Variants in OFD1 observed in about 807,000 individuals in gnomAD.
OFD1 encodes the protein centriole and centriolar satellite protein OFD1.
In OFD1, 12 loss-of-function variants were observed where a neutral mutation model predicts 81.4. The observed-to-expected ratio is 0.15, with a 90% confidence interval of 0.09 to 0.24. OFD1 has a LOEUF of 0.24. Ranked by LOEUF, OFD1 falls within the 10% of genes least tolerant of loss-of-function variation. The pLI is 1.00. For missense variants in OFD1, 685 were observed against 733.9 expected (o/e 0.93, Z 0.77); for synonymous variants, 256 against 263.7 (o/e 0.97, Z 0.28).
chrX:13,748,745 C>G (rs766050094), intron 8 of OFD1, among the ~76,000 whole-genome samples: 1 of 111,259 alleles, frequency 9.0e-6, no homozygotes, highest in Non-Finnish European at 1.9e-5. Context: ...CACTAAAAAC[C>G]ATGGGGATTC....
At chrX:13,748,252 GTTTA>G (rs1237982104) in intron 8 of OFD1, among the ~76,000 whole-genome samples, 1 of 112,298 alleles carries the variant, frequency 8.9e-6, no homozygotes, top group Non-Finnish European at 1.9e-5. Flanking sequence ...CTAGATCCCT[GTTTA>G]TTTATCTGAT....
rs1451447247 is a variant in OFD1, at chrX:13,734,923, G to A, written c.-149G>A. On this transcript the variant is annotated 5_prime_UTR_variant, in exon 1 of 23. Coordinates refer to ENST00000340096, the MANE Select transcript of OFD1 (RefSeq NM_003611.3). The stretch of plus-strand genomic sequence containing the variant: ...GGGAGTGCGAGGCAGAGAACGTTCA[G>A]CACCTTTGTTCCTCCCGAACCCTCG... 7 of 1,101,805 alleles carry A rather than the reference G, an allele frequency of 6.4e-6. No individual in the cohort carries two copies. The highest frequency in any genetic ancestry group is 7.1e-5 in the Admixed American group (2 of 28,303). 90.8% of individuals were successfully genotyped at this position (1,101,805 alleles called of 1,213,427 possible). A position where few individuals can be genotyped will look rare whatever the true frequency, so the allele number is the denominator to read the frequency against.
At chrX:13,726,867 A>T in the OFD1 span, among the ~76,000 whole-genome samples, 2 of 112,065 alleles carry the variant, frequency 1.8e-5, no homozygotes, top group Non-Finnish European at 3.8e-5. Flanking sequence ...AACCCATCTG[A>T]TGTGCAAAGA....
At chrX:13,764,460 T>G (rs1467864662) in intron 19 of OFD1, among the ~76,000 whole-genome samples, 1 of 111,391 alleles carries the variant, frequency 9.0e-6, no homozygotes, top group Non-Finnish European at 1.9e-5. Context: ...CCTCTTCTCC[T>G]CCAGATTACC....
At chrX:13,742,963 C>T (rs975824042) in intron 5 of OFD1, among the ~76,000 whole-genome samples, 1 of 112,013 alleles carries the variant, frequency 8.9e-6, no homozygotes, top group Non-Finnish European at 1.9e-5. Context: ...ATCTAATCCC[C>T]TTCCTGAAGG....
intron 2 of OFD1, chrX:13,736,115 A>G: frequency 2.4e-6 from 2 of 840,405 alleles, no homozygotes; most frequent in East Asian, 1.8e-4. Context: ...CAGTCCACAG[A>G]GGTGTGATGA....
At chrX:13,744,631 C>T (rs753410479) in intron 6 of OFD1, 112 bp downstream of exon 6, 12 of 534,594 alleles carry the variant, frequency 2.2e-5, no homozygotes, top group South Asian at 1.5e-4. Flanking sequence ...GGGATGCAGC[C>T]GGCAGGCAAC....
intron 6 of OFD1, among the ~76,000 whole-genome samples, chrX:13,745,276 CA>C (rs1300641172): frequency 8.9e-6 from 1 of 112,024 alleles, no homozygotes; most frequent in African/African-American, 3.2e-5. Flanking sequence ...GAGCCACATA[CA>C]TAATTTTAAA....
Position 13,769,135 on chromosome X carries a change from T to TA in OFD1, c.*28dup, listed in dbSNP as rs2048250465. On this transcript the variant is annotated 3_prime_UTR_variant, in exon 23 of 23. Coordinates refer to ENST00000340096, the MANE Select transcript of OFD1 (RefSeq NM_003611.3). Reference sequence around the variant, plus strand: ...CATGTTTGCTGCCCAGCTTCTAACTTACATACCGTGAGAAGTTACGTAACA... The same window carrying TA: ...CATGTTTGCTGCCCAGCTTCTAACTTAACATACCGTGAGAAGTTACGTAACA... 1 of 1,120,771 alleles carries TA rather than the reference T, an allele frequency of 8.9e-7. No individual in the cohort carries two copies. The highest frequency in any genetic ancestry group is 1.2e-6 in the Non-Finnish European group (1 of 813,756). 92.4% of individuals were successfully genotyped at this position (1,120,771 alleles called of 1,213,427 possible). A position where few individuals can be genotyped will look rare whatever the true frequency, so the allele number is the denominator to read the frequency against.
chrX:13,744,934 A>AG (rs2047236020), intron 6 of OFD1, among the ~76,000 whole-genome samples: 1 of 112,219 alleles, frequency 8.9e-6, no homozygotes, highest in African/African-American at 3.2e-5. Context: ...AGGTCCTCAG[A>AG]GGAAGAGCAA....
At chrX:13,730,040 G>A (rs1050534910), upstream of OFD1, among the ~76,000 whole-genome samples, 1 of 111,931 alleles carries the variant, frequency 8.9e-6, no homozygotes, top group Non-Finnish European at 1.9e-5. Context: ...AACACCAAAA[G>A]CAATGACAAC....
intron 18 of OFD1, 72 bp from the exon 19 acceptor site, chrX:13,763,673 C>T (rs749228414): frequency 2.3e-6 from 2 of 853,428 alleles, no homozygotes; most frequent in Admixed American, 2.2e-5. Flanking sequence ...GTCAGTTGCC[C>T]CCACACTGCA....
intron 8 of OFD1, among the ~76,000 whole-genome samples, chrX:13,747,392 TGTAA>T (rs1476999710): frequency 3.6e-5 from 4 of 111,387 alleles, no homozygotes; most frequent in Admixed American, 2.9e-4. Flanking sequence ...ACCAGGTGCT[TGTAA>T]GTGAGTTTTC....
chrX:13,725,666 A>T, the OFD1 span, among the ~76,000 whole-genome samples: 1 of 112,645 alleles, frequency 8.9e-6, no homozygotes. Context: ...AAAACAGAAA[A>T]GCTGAAAATT....
In OFD1 at chrX:13,760,130, T is replaced by C; in HGVS notation, c.1670T>C (p.Val557Ala). The change falls in exon 16 of 23, where the codon GTG becomes GCG. Residue 557 changes from valine (V) to alanine (A), a missense_variant. Around this residue, in one of 3 missense-constraint regions of OFD1, gnomAD observed 414 missense variants for 447.2 expected, o/e 0.93. Transcript: ENST00000340096. ...TACCCTGCAGCCCTAGAGAATGAAG[T>C]GTACTGCAATCCAAAGCAGTCTGTG... ...KQTQTALENE[V>A]YCNPKQSVID... The C allele has an allele frequency of 9.1e-6, 11 of 1,211,901 alleles. No homozygotes were observed. Among genetic ancestry groups the C allele is most frequent in the South Asian group, 1.8e-5 (1 of 57,036 alleles).
chrX:13,729,915 C>CA (rs1249504715), upstream of OFD1, among the ~76,000 whole-genome samples: 1 of 110,605 alleles, frequency 9.0e-6, no homozygotes, highest in Non-Finnish European at 1.9e-5. Flanking sequence ...TCTCAAAAAA[C>CA]AAAAAACAAA....
At position 13,754,986 on chromosome X, in the gene OFD1, T is replaced by G. The variant is rs2074100; in HGVS notation, c.1130-165T>G. On this transcript the variant is annotated intron_variant, in intron 11 of 22. Transcript: ENST00000340096. ...CATATATGACAGTTACAGCTTCACA[T>G]CACCTGTTGGGTAACAGGGTTTATT... Among the ~76,000 whole-genome samples the G allele has an allele frequency of 2.7e-5, 3 of 112,712 alleles. No homozygotes were observed. In the East Asian group the frequency reaches 8.3e-4, roughly 31 times the overall value.
intron 7 of OFD1, 135 bp downstream of exon 7, chrX:13,746,590 T>A (rs1424038453): frequency 2.4e-6 from 2 of 844,035 alleles, no homozygotes; most frequent in African/African-American, 4.1e-5. Context: ...CAAATTTTTT[T>A]TTATTTCTGG....
At position 13,744,537 on chromosome X, in the gene OFD1, T is replaced by C. The variant is rs760470858; in HGVS notation, c.517+18T>C. On this transcript the variant is annotated intron_variant, in intron 6 of 22. Coordinates refer to ENST00000340096, the MANE Select transcript of OFD1 (RefSeq NM_003611.3). ...TTCTCTGGGTAATTATAGCCTTCTTTCTTAATTTCAGTTCTGCTGTTTTCA... is the reference window on the plus strand; with the variant it reads ...TTCTCTGGGTAATTATAGCCTTCTTCCTTAATTTCAGTTCTGCTGTTTTCA... 5.3e-6 allele frequency: 5 copies of C among 947,801 alleles called. No homozygotes were observed. The South Asian group carries it at 7.8e-5, about 15-fold the overall frequency. 78.1% of individuals were successfully genotyped at this position (947,801 alleles called of 1,213,427 possible).
Sources: allele counts gnomAD v4.1 joint callset (sites outside exome capture counted in the v4.1 genomes callset), GRCh38; gene constraint gnomAD v4.1.1; regional missense constraint gnomAD v4.1.1; transcripts MANE v1.5; gene names NCBI Gene and HGNC (gene_info 2026-07-23, HGNC 2026-07-21).